LPGAT1: variants seen among roughly 807,000 people sequenced by gnomAD.
The protein encoded by LPGAT1 is acyl-CoA:lysophosphatidylglycerol acyltransferase 1.
Under a neutral mutation model 47.5 loss-of-function variants are expected in LPGAT1, and 11 were observed. The observed-to-expected ratio is 0.23, with a 90% CI of 0.15 to 0.38. The LOEUF is 0.38. LPGAT1 is among the 10% of genes least tolerant of loss of function. The probability of loss-of-function intolerance (pLI) is 1.00; values close to 1 mark genes in which losing one functional copy is unlikely to be tolerated. For synonymous variants in LPGAT1, 138 were observed against 144.2 expected (o/e 0.96, Z 0.31); for missense variants, 293 against 439.0 (o/e 0.67, Z 2.97).
chr1:211,801,444 G>C (rs955474013), intron 2 of LPGAT1, among the ~76,000 whole-genome samples: 6 of 152,074 alleles, frequency 3.9e-5, no homozygotes, highest in Non-Finnish European at 8.8e-5. Context: ...GCCAGGCTTG[G>C]TGACTCACAC....
At chr1:211,828,772 G>A (rs1660624359) in intron 2 of LPGAT1, among the ~76,000 whole-genome samples, 2 of 151,952 alleles carry the variant, frequency 1.3e-5, no homozygotes, top group African/African-American at 2.4e-5. Flanking sequence ...CCTATACAAC[G>A]CACTCCTATT....
intron 2 of LPGAT1, among the ~76,000 whole-genome samples, chr1:211,827,836 C>G (rs1210112238): frequency 6.6e-6 from 1 of 152,220 alleles, no homozygotes. Context: ...AACGCATACA[C>G]TATCCCAGGG....
intron 6 of LPGAT1, among the ~76,000 whole-genome samples, chr1:211,758,243 TA>T (rs1657545587): frequency 6.6e-6 from 1 of 152,258 alleles, no homozygotes; most frequent in Non-Finnish European, 1.5e-5. Flanking sequence ...ATATAAGGGT[TA>T]GGCTCAATTT....
In LPGAT1 at chr1:211,746,215, G is replaced by A. The variant is rs1313298616; in HGVS notation, c.*3684C>T. ...GTGGGCAACATGAGCAAAGAATGAA[G>A]ACGCTTCTTAACATGAATCCAAGAC... On this transcript the variant is annotated 3_prime_UTR_variant, in exon 8 of 8. Transcript: ENST00000366997. 1 of 152,626 alleles carries A rather than the reference G, an allele frequency of 6.6e-6. No individual in the cohort carries two copies. Among genetic ancestry groups the A allele is most frequent in the East Asian group, 1.9e-4 (1 of 5,200 alleles). 9.5% of individuals were successfully genotyped at this position (152,626 alleles called of 1,614,324 possible).
intron 3 of LPGAT1, 105 bp downstream of exon 3, chr1:211,792,967 C>T: frequency 1.4e-6 from 1 of 694,528 alleles, no homozygotes; most frequent in South Asian, 2.0e-5. Context: ...ACCTCAGCCT[C>T]CCAAAGTGCT....
intron 6 of LPGAT1, among the ~76,000 whole-genome samples, chr1:211,766,242 C>A (rs1657907544): frequency 2.0e-5 from 3 of 152,138 alleles, no homozygotes. Context: ...CAGGCTTGGA[C>A]CGGAACGACA....
intron 2 of LPGAT1, among the ~76,000 whole-genome samples, chr1:211,812,873 C>A (rs1199183541): frequency 1.3e-5 from 2 of 152,156 alleles, no homozygotes; most frequent in African/African-American, 4.8e-5. Flanking sequence ...CCTGCTGACA[C>A]CTTGATTTGA....
At chr1:211,779,229 G>C (rs1658535489) in intron 5 of LPGAT1, among the ~76,000 whole-genome samples, 185 bp from the exon 6 acceptor site, 2 of 152,118 alleles carry the variant, frequency 1.3e-5, no homozygotes, top group Admixed American at 1.3e-4. Flanking sequence ...GATTACTTAT[G>C]TTATAAAATG....
At chr1:211,818,354 G>C (rs1660253402) in intron 2 of LPGAT1, among the ~76,000 whole-genome samples, 1 of 152,178 alleles carries the variant, frequency 6.6e-6, no homozygotes, top group African/African-American at 2.4e-5. Flanking sequence ...ACAGTAAAGG[G>C]GGTGGTCATC....
At position 211,830,526 on chromosome 1, in the gene LPGAT1, G is replaced by T; in HGVS notation, c.-28+47C>A. 8.4e-7 allele frequency: 1 copy of T among 1,184,572 alleles called. No homozygotes were observed. Among genetic ancestry groups the T allele is most frequent in the South Asian group, 4.2e-5 (1 of 23,756 alleles). 73.4% of individuals were successfully genotyped at this position (1,184,572 alleles called of 1,614,324 possible). A position where few individuals can be genotyped will look rare whatever the true frequency, so the allele number is the denominator to read the frequency against. On this transcript the variant is annotated intron_variant, in intron 1 of 7. Transcript: ENST00000366997. The surrounding 1 kb of genome is among the most constrained non-coding windows in gnomAD (Gnocchi z 5.9). ...CCGCCCCCAGCGCCTCCCCTGGCCC[G>T]GCTCCGCTGCCGCTCTGGGGCCTGC... is the stretch of plus-strand genomic sequence containing the variant.
intron 6 of LPGAT1, among the ~76,000 whole-genome samples, chr1:211,770,218 G>A (rs1208991188): frequency 3.9e-5 from 6 of 151,936 alleles, no homozygotes; most frequent in Admixed American, 3.9e-4. Context: ...AGGATATATA[G>A]CCCCAAGTAG....
At chr1:211,826,843 T>C (rs1238349697) in intron 2 of LPGAT1, among the ~76,000 whole-genome samples, 2 of 152,214 alleles carry the variant, frequency 1.3e-5, no homozygotes, top group Admixed American at 1.3e-4. Flanking sequence ...CAATGTTCAA[T>C]TTTCCATCTG....
At chr1:211,803,397 T>C (rs1659645239) in intron 2 of LPGAT1, among the ~76,000 whole-genome samples, 1 of 152,196 alleles carries the variant, frequency 6.6e-6, no homozygotes, top group African/African-American at 2.4e-5. Flanking sequence ...GTCGGCTGTA[T>C]ACCAGGCTTA....
chr1:211,786,662 TATC>T (rs1357883701), intron 4 of LPGAT1, among the ~76,000 whole-genome samples: 1 of 152,218 alleles, frequency 6.6e-6, no homozygotes, highest in Non-Finnish European at 1.5e-5. Context: ...TTGTGCCAAA[TATC>T]ATCTTCTCTG....
rs893622426 is a variant in LPGAT1 at position 211,830,327 on chromosome 1, C to T, written c.-28+246G>A. The T allele has an allele frequency of 8.9e-7, 1 of 1,121,792 alleles. No individual in the cohort carries two copies. Among genetic ancestry groups the T allele is most frequent in the Non-Finnish European group, 1.1e-6 (1 of 917,472 alleles). The allele number at this position is 1,121,792 out of a possible 1,614,324, so 69.5% of individuals were successfully genotyped here. Reference sequence around the variant, plus strand: ...CGCTGGCGCCCTACTCCCCTCGCGGCTGCCTGCGGACAGAGGGACGGCGGG... The same window carrying T: ...CGCTGGCGCCCTACTCCCCTCGCGGTTGCCTGCGGACAGAGGGACGGCGGG... On this transcript the variant is annotated intron_variant, in intron 1 of 7. Coordinates refer to ENST00000366997, the MANE Select transcript of LPGAT1 (RefSeq NM_014873.3). The surrounding 1 kb of genome is among the most constrained non-coding windows in gnomAD (Gnocchi z 5.9).
chr1:211,757,300 GACTCTACC>G (rs1410793172), intron 6 of LPGAT1, among the ~76,000 whole-genome samples: 1 of 151,094 alleles, frequency 6.6e-6, no homozygotes, highest in Non-Finnish European at 1.5e-5. Flanking sequence ...GTTGAATCCT[GACTCTACC>G]ACTTGCCAGT....
chr1:211,759,240 T>C (rs1360666462), intron 6 of LPGAT1, among the ~76,000 whole-genome samples: 1 of 151,990 alleles, frequency 6.6e-6, no homozygotes, highest in Admixed American at 6.6e-5. Flanking sequence ...TCTGGAAGAG[T>C]TGTGTTTAAT....
rs981050679 is a variant in LPGAT1 at position 211,780,049 on chromosome 1, C to T, written c.728-1005G>A. Among the ~76,000 whole-genome samples, 20 of 148,180 alleles carry T rather than the reference C, an allele frequency of 1.3e-4. No homozygotes were observed. The South Asian group carries it at 1.9e-3, about 14-fold the overall frequency. ...AAAATTAGCCAGGCATGGTAGTGCA[C>T]GCTTGTAATCCCAGCTACTCGGGAG... is the stretch of plus-strand genomic sequence containing the variant. On this transcript the variant is annotated intron_variant, in intron 5 of 7. Transcript: ENST00000366997.
Position 211,748,026 on chromosome 1 carries a change from TATTTG to T in LPGAT1, c.*1868_*1872del, listed in dbSNP as rs1246379371. ...TAAAGATGAAGCTGCTGTGGGCTTT[TATTTG>T]GTGTTGCTTTACCTTTCCCACATAA... On this transcript the variant is annotated 3_prime_UTR_variant, in exon 8 of 8. Transcript: ENST00000366997. 6.6e-6 allele frequency: 1 copy of T among 152,650 alleles called. No homozygotes were observed. 9.5% of individuals were successfully genotyped at this position (152,650 alleles called of 1,614,324 possible).
Sources: allele counts gnomAD v4.1 joint callset (sites outside exome capture counted in the v4.1 genomes callset), GRCh38; gene constraint gnomAD v4.1.1; non-coding constraint Gnocchi (gnomAD v3.1); transcripts MANE v1.5; gene names NCBI Gene and HGNC (gene_info 2026-07-23, HGNC 2026-07-21).